ABCB6: variants seen among roughly 807,000 people sequenced by gnomAD.
ABCB6 encodes the protein ATP-binding cassette sub-family B member 6.
In ABCB6, 87 loss-of-function variants were observed where a neutral mutation model predicts 99.4. The observed-to-expected ratio is 0.88, with a 90% CI of 0.74 to 1.05. ABCB6 has a LOEUF of 1.05. ABCB6 is among the 50% of genes least tolerant of loss of function. The probability of loss-of-function intolerance (pLI) is 0.00; values close to 1 mark genes in which losing one functional copy is unlikely to be tolerated. For missense variants in ABCB6, 1,050 were observed against 1,097.9 expected, an observed-to-expected ratio of 0.96 and a Z score of 0.62; for synonymous variants, 482 against 447.5, an observed-to-expected ratio of 1.08 and a Z score of -0.97.
In ABCB6 at chr2:219,213,616, G is replaced by T; in HGVS notation, c.1629C>A (p.Pro543=). 1 of 1,614,200 alleles carries T rather than the reference G, an allele frequency of 6.2e-7. No homozygotes were observed. The change falls in exon 10 of 19, where the codon CCC becomes CCA. Residue 543 remains proline, a synonymous_variant. Coordinates refer to ENST00000265316, the MANE Select transcript of ABCB6 (RefSeq NM_005689.4). ...TGTAGTAGGTGCCAAACCAATTGAGGGGCATGTACAGCTGGATAATGTAGG... is the reference window on the plus strand; with the variant it reads ...TGTAGTAGGTGCCAAACCAATTGAGTGGCATGTACAGCTGGATAATGTAGG... ...FGTYIIQLYM[P]LNWFGTYYRM... is the part of the protein sequence containing the mutation.
At position 219,210,418 on chromosome 2, in the gene ABCB6, C is replaced by A. The variant is rs201416447; in HGVS notation, c.2314G>T (p.Val772Phe). 2.6e-4 allele frequency: 427 copies of A among 1,614,210 alleles called. 1 individual carries two copies. Among genetic ancestry groups the A allele is most frequent in the Middle Eastern group, 4.9e-4 (3 of 6,062 alleles). The stretch of plus-strand genomic sequence containing the variant: ...ACGATGGTGGTGCGGTTGGCACAGA[C>A]TTTGGCCAGAGAAGCCTGGATGGCC... ...ERAIQASLAKVCANRTTIVVA... is the reference protein window; with the variant it reads ...ERAIQASLAKFCANRTTIVVA... Residue 772 changes from valine (V) to phenylalanine (F), a missense_variant, in exon 17 of 19, where the codon GTC becomes TTC. By Grantham distance (50) the Val-to-Phe change is conservative (BLOSUM62 -1). Coordinates refer to ENST00000265316, the MANE Select transcript of ABCB6 (RefSeq NM_005689.4).
Position 219,216,767 on chromosome 2 carries a change from G to C in ABCB6, c.753C>G (p.Gly251=), listed in dbSNP as rs1262960024. Residue 251 remains glycine (G), a synonymous_variant, in exon 3 of 19, where the codon GGC becomes GGG. Coordinates refer to ENST00000265316, the MANE Select transcript of ABCB6 (RefSeq NM_005689.4). The surrounding 1 kb of genome is among the most constrained non-coding windows in gnomAD (Gnocchi z 4.2). ...CTGGACTCCCTCGAGGCCACAGGTA[G>C]CCACTCAGGAGGCGGAGCTTCCTGC... ...DFGRKLRLLS[G]YLWPRGSPAL... 4 of 1,612,150 alleles carry C rather than the reference G, an allele frequency of 2.5e-6. No homozygotes were observed. Among genetic ancestry groups the C allele is most frequent in the Non-Finnish European group, 2.5e-6 (3 of 1,179,362 alleles).
chr2:219,212,292 TGCAAGGGTGA>T, intron 14 of ABCB6, 85 bp downstream of exon 14: 4 of 1,046,648 alleles, frequency 3.8e-6, no homozygotes, highest in Middle Eastern at 2.0e-4. Flanking sequence ...CTAGTTTTTT[TGCAAGGGTGA>T]CATCTCCTCT....
rs1950677849 is a variant in ABCB6 at position 219,218,491 on chromosome 2, CGAATCAGCACCAG to C, written c.170_182del (p.Ala57GlyfsTer189). Reference sequence around the variant, plus strand: ...TGCGAGGGCCGGCCCCCCAAGACAGCGAATCAGCACCAGCGGGCCGCTCCCGGCGTCTGCAGGG... The same window carrying C: ...TGCGAGGGCCGGCCCCCCAAGACAGCCGGGCCGCTCCCGGCGTCTGCAGGG... On this transcript the variant is annotated frameshift_variant, in exon 1 of 19. Coordinates refer to ENST00000265316, the MANE Select transcript of ABCB6 (RefSeq NM_005689.4). LOFTEE classifies it high-confidence loss of function. 6.2e-7 allele frequency: 1 copy of C among 1,608,562 alleles called. No homozygotes were observed. Among genetic ancestry groups the C allele is most frequent in the East Asian group, 2.2e-5 (1 of 44,678 alleles).
In ABCB6 at chr2:219,210,489, C is replaced by T; in HGVS notation, c.2257-14G>A. ...CGCTGACGTTGCCTATAGAGAGGGTCCAGGTAAAACTGCTCCTGCCACTCA... is the reference window on the plus strand; with the variant it reads ...CGCTGACGTTGCCTATAGAGAGGGTTCAGGTAAAACTGCTCCTGCCACTCA... On this transcript the variant is annotated splice_polypyrimidine_tract_variant and intron_variant, in intron 16 of 18. Coordinates refer to ENST00000265316, the MANE Select transcript of ABCB6 (RefSeq NM_005689.4). 1 of 1,612,274 alleles carries T rather than the reference C, an allele frequency of 6.2e-7. No individual in the cohort carries two copies. Among genetic ancestry groups the T allele is most frequent in the Non-Finnish European group, 8.5e-7 (1 of 1,179,118 alleles).
At chr2:219,210,664 T>A in intron 16 of ABCB6, 47 bp downstream of exon 16, 1 of 1,611,370 alleles carries the variant, frequency 6.2e-7, no homozygotes, top group Non-Finnish European at 8.5e-7. Flanking sequence ...GAGGAACGGC[T>A]TGAGCATACA....
Position 219,216,958 on chromosome 2 carries a change from A to G in ABCB6, c.688-126T>C. ...ATCTCAGACCCACAAGTGATCCTTG[A>G]TGGGGTCAGAAAAACTAAGTTGCAA... is the stretch of plus-strand genomic sequence containing the variant. On this transcript the variant is annotated intron_variant, in intron 2 of 18. Coordinates refer to ENST00000265316, the MANE Select transcript of ABCB6 (RefSeq NM_005689.4). The surrounding 1 kb of genome is among the most constrained non-coding windows in gnomAD (Gnocchi z 4.2). 7.5e-6 allele frequency: 6 copies of G among 800,850 alleles called. No individual in the cohort carries two copies. Among genetic ancestry groups the G allele is most frequent in the Non-Finnish European group, 1.1e-5 (6 of 525,440 alleles). 49.6% of individuals were successfully genotyped at this position (800,850 alleles called of 1,614,324 possible). A position where few individuals can be genotyped will look rare whatever the true frequency, so the allele number is the denominator to read the frequency against.
intron 14 of ABCB6, among the ~76,000 whole-genome samples, chr2:219,211,789 A>G (rs1950582236): frequency 7.8e-6 from 1 of 127,946 alleles, no homozygotes; most frequent in Non-Finnish European, 1.6e-5. Flanking sequence ...TTTGAGACAG[A>G]GTCTTGCACT....
chr2:219,216,108 A>G lies in ABCB6; in HGVS notation c.1043T>C (p.Leu348Pro). The change falls in exon 5 of 19, where the codon CTC (leucine) becomes CCC (proline). Residue 348 changes from leucine to proline, a missense_variant. Coordinates refer to ENST00000265316, the MANE Select transcript of ABCB6 (RefSeq NM_005689.4). The surrounding 1 kb of genome is among the most constrained non-coding windows in gnomAD (Gnocchi z 4.2). ...GAGCTCGTGCAGGTGGGAGAAGATG[A>G]GCAGCTCCACCCGCCGAGACGTGAA... ...QQFTSRRVELLIFSHLHELSL... is the reference protein window; with the variant it reads ...QQFTSRRVELPIFSHLHELSL... 1.3e-6 allele frequency: 2 copies of G among 1,580,812 alleles called. No individual in the cohort carries two copies. The highest frequency in any genetic ancestry group is 1.7e-6 in the Non-Finnish European group (2 of 1,164,014).
chr2:219,215,258 T>A, intron 5 of ABCB6, 176 bp from the exon 6 acceptor site: 1 of 690,362 alleles, frequency 1.4e-6, no homozygotes, highest in Non-Finnish European at 2.4e-6. Flanking sequence ...TACAGAATTC[T>A]CTGTATCAAT....
At chr2:219,210,680 C>A in intron 16 of ABCB6, 31 bp downstream of exon 16, 1 of 1,612,758 alleles carries the variant, frequency 6.2e-7, no homozygotes, top group Non-Finnish European at 8.5e-7. Flanking sequence ...ATACACAAGG[C>A]AGGAAGGAGG....
Position 219,213,011 on chromosome 2 carries a change from G to A in ABCB6, c.1860C>T (p.Ala620=). The A allele has an allele frequency of 6.2e-7, 1 of 1,613,974 alleles. No homozygotes were observed. The highest frequency in any genetic ancestry group is 8.5e-7 in the Non-Finnish European group (1 of 1,179,934). ...SFTVMPGQTL[A]LVGPSGAGKS... ...AAGTGGCTGGGTCTCCTCTCACCAG[G>A]GCAAGTGTCTGTCCAGGCATCACAG... The change falls in exon 13 of 19, where the codon GCC becomes GCT. Residue 620 remains alanine, a synonymous_variant. Coordinates refer to ENST00000265316, the MANE Select transcript of ABCB6 (RefSeq NM_005689.4).
Position 219,215,018 on chromosome 2 carries a change from T to C in ABCB6, c.1219A>G (p.Met407Val). Residue 407 changes from methionine to valine, a missense_variant, in exon 6 of 19, where the codon ATG becomes GTG. By Grantham distance (21) the Met-to-Val change is conservative. Transcript: ENST00000265316. ...AGGCCAAACCAGGCGTTGAAGAACA[T>C]GCTGAAGTAGATGATGCCAATGATG... ...DIIIGIIYFS[M>V]FFNAWFGLIV... 6.2e-7 allele frequency: 1 copy of C among 1,614,140 alleles called. No individual in the cohort carries two copies. The highest frequency in any genetic ancestry group is 8.5e-7 in the Non-Finnish European group (1 of 1,180,032).
intron 18 of ABCB6, 28 bp downstream of exon 18, chr2:219,210,202 C>T (rs1402658048): frequency 1.9e-6 from 3 of 1,613,808 alleles, no homozygotes; most frequent in Admixed American, 1.7e-5. Context: ...TTCAGAAGAC[C>T]TGTCCTTTTG....
intron 14 of ABCB6, 39 bp from the exon 15 acceptor site, chr2:219,211,147 C>A: frequency 6.2e-7 from 1 of 1,605,000 alleles, no homozygotes; most frequent in South Asian, 1.1e-5. Flanking sequence ...TTATGAGATA[C>A]CCCCAAGGCC....
intron 8 of ABCB6, 48 bp from the exon 9 acceptor site, chr2:219,213,999 T>G: frequency 6.2e-7 from 1 of 1,612,764 alleles, no homozygotes; most frequent in Non-Finnish European, 8.5e-7. Flanking sequence ...ACAATGGCCA[T>G]CAGTGAGTCC....
intron 14 of ABCB6, among the ~76,000 whole-genome samples, 169 bp downstream of exon 14, chr2:219,212,218 A>G (rs1464019448): frequency 6.6e-6 from 1 of 152,142 alleles, no homozygotes; most frequent in African/African-American, 2.4e-5. Context: ...TTATGGCACC[A>G]TACAAATCCT....
At position 219,217,746 on chromosome 2, in the gene ABCB6, A is replaced by T; in HGVS notation, c.611T>A (p.Leu204His). The T allele has an allele frequency of 2.5e-6, 4 of 1,614,096 alleles. No homozygotes were observed. The highest frequency in any genetic ancestry group is 3.4e-6 in the Non-Finnish European group (4 of 1,179,990). The change falls in exon 2 of 19, where the codon CTC becomes CAC. Residue 204 changes from leucine to histidine, a missense_variant. Physicochemically the swap from Leu to His is moderately conservative, Grantham distance 99. Transcript: ENST00000265316. ...CTGGGGACGAAGTCCAGGGGCCCAG[A>T]GACCCAGGACAAACAGCCCTCCAGA... The part of the protein sequence containing the change: ...VVSGGLFVLG[L>H]WAPGLRPQSY...
chr2:219,217,860 A>G (rs1264659073), intron 1 of ABCB6, 53 bp from the exon 2 acceptor site: 1 of 1,569,488 alleles, frequency 6.4e-7, no homozygotes, highest in Non-Finnish European at 8.6e-7. Flanking sequence ...ATTTCATTGT[A>G]TTACTACTTA....
Sources: allele counts gnomAD v4.1 joint callset (sites outside exome capture counted in the v4.1 genomes callset), GRCh38; gene constraint gnomAD v4.1.1; non-coding constraint Gnocchi (gnomAD v3.1); transcripts MANE v1.5; gene names NCBI Gene and HGNC (gene_info 2026-07-23, HGNC 2026-07-21).